Variants in CYTH1 observed in about 807,000 individuals in gnomAD.
The protein encoded by CYTH1 is cytohesin 1, also known as cytohesin-1.
A neutral mutation model predicts 61.8 loss-of-function variants in CYTH1; 18 were observed. The ratio of observed to expected loss-of-function variants is 0.29; its 90% CI spans 0.20 to 0.43. CYTH1 has a LOEUF of 0.43. Ranked by LOEUF, CYTH1 falls within the 20% of genes least tolerant of loss-of-function variation. The pLI is 1.00. For synonymous variants in CYTH1, 174 were observed against 184.3 expected, an observed-to-expected ratio of 0.94 and a Z score of 0.45; for missense variants, 336 against 510.5, an observed-to-expected ratio of 0.66 and a Z score of 3.29.
At chr17:78,678,102 G>T in intron 13 of CYTH1, 1 of 152,474 alleles carries the variant, frequency 6.6e-6, no homozygotes. Context: ...AGGCCAGCCC[G>T]CTCCGGGACA....
intron 1 of CYTH1, among the ~76,000 whole-genome samples, chr17:78,731,763 AAAAAAAAAC>A (rs1443257382): frequency 6.6e-6 from 1 of 150,922 alleles, no homozygotes; most frequent in Non-Finnish European, 1.5e-5. Context: ...CTCAAAAAAA[AAAAAAAAAC>A]AAAAAAAAAC....
intron 1 of CYTH1, chr17:78,716,877 G>A (rs935906088): frequency 7.9e-5 from 12 of 152,190 alleles, no homozygotes; most frequent in African/African-American, 2.7e-4. Flanking sequence ...AGGACACTGC[G>A]AAGGCCACAG....
intron 12 of CYTH1, 94 bp downstream of exon 12, chr17:78,680,877 G>T (rs1178651940): frequency 3.3e-6 from 4 of 1,222,184 alleles, no homozygotes; most frequent in Non-Finnish European, 4.8e-6. Context: ...GCCTGATCAC[G>T]CTTTTCAGTT....
Position 78,708,191 on chromosome 17 carries a change from A to C in CYTH1, c.170+6T>G. On this transcript the variant is annotated splice_donor_region_variant and intron_variant, in intron 3 of 13. Coordinates refer to ENST00000446868, the MANE Select transcript of CYTH1 (RefSeq NM_004762.6). The stretch of plus-strand genomic sequence containing the variant: ...CAGAAGCCACCTGGCAGCAGGGCAG[A>C]CTCACCTTTCCTCTGTGGATCCCAG... The C allele has an allele frequency of 6.2e-7, 1 of 1,613,952 alleles. No individual in the cohort carries two copies. Among genetic ancestry groups the C allele is most frequent in the South Asian group, 1.1e-5 (1 of 91,070 alleles).
intron 1 of CYTH1, among the ~76,000 whole-genome samples, chr17:78,747,092 T>A (rs868861117): frequency 3.0e-5 from 4 of 131,426 alleles, no homozygotes; most frequent in Admixed American, 2.7e-4. Context: ...AAACAAAGTA[T>A]CTCCCTCTTC....
At chr17:78,740,353 C>G (rs562234664) in intron 1 of CYTH1, among the ~76,000 whole-genome samples, 1 of 152,228 alleles carries the variant, frequency 6.6e-6, no homozygotes, top group Admixed American at 6.5e-5. Flanking sequence ...AGGTCCCCTG[C>G]TCCTCCAGAC....
intron 1 of CYTH1, among the ~76,000 whole-genome samples, chr17:78,729,229 T>C (rs914482968): frequency 6.6e-6 from 1 of 152,104 alleles, no homozygotes; most frequent in East Asian, 1.9e-4. Flanking sequence ...CACCTCAGCC[T>C]CCAGAATAGC....
At chr17:78,733,596 G>A (rs2093305959) in intron 1 of CYTH1, among the ~76,000 whole-genome samples, 1 of 152,246 alleles carries the variant, frequency 6.6e-6, no homozygotes, top group Admixed American at 6.5e-5. Context: ...AAGGCCAGTG[G>A]GGACAGGCAT....
At chr17:78,735,360 C>T (rs1018590392) in intron 1 of CYTH1, among the ~76,000 whole-genome samples, 5 of 152,194 alleles carry the variant, frequency 3.3e-5, no homozygotes, top group Non-Finnish European at 5.9e-5. Flanking sequence ...TGGCCAGGCC[C>T]GGCTCACTCC....
At chr17:78,703,385 C>T (rs995047774) in intron 3 of CYTH1, among the ~76,000 whole-genome samples, 13 of 129,542 alleles carry the variant, frequency 1.0e-4, no homozygotes, top group Admixed American at 3.7e-4. Context: ...CACTCTAGCC[C>T]GGGTGACAGA....
chr17:78,726,853 C>T (rs1361250036), intron 1 of CYTH1, among the ~76,000 whole-genome samples: 1 of 152,220 alleles, frequency 6.6e-6, no homozygotes, highest in Non-Finnish European at 1.5e-5. Flanking sequence ...GCACCGCGGT[C>T]TGCACTCCTG....
chr17:78,780,395 G>T (rs1486964659), intron 1 of CYTH1, among the ~76,000 whole-genome samples: 1 of 152,128 alleles, frequency 6.6e-6, no homozygotes, highest in Non-Finnish European at 1.5e-5. Flanking sequence ...TGTAGTCCAG[G>T]TTACAGGAGG....
intron 3 of CYTH1, among the ~76,000 whole-genome samples, chr17:78,706,076 G>A (rs1194860324): frequency 6.6e-6 from 1 of 152,110 alleles, no homozygotes; most frequent in East Asian, 1.9e-4. Context: ...CCAATTTTCT[G>A]CAGTAAAGGT....
intron 1 of CYTH1, among the ~76,000 whole-genome samples, chr17:78,732,123 C>T (rs2093298092): frequency 1.3e-5 from 2 of 152,202 alleles, no homozygotes; most frequent in Admixed American, 1.3e-4. Context: ...TGACTTTGTC[C>T]TCCCTTCGGC....
intron 1 of CYTH1, chr17:78,736,637 C>T (rs2093321325): frequency 3.6e-6 from 1 of 280,392 alleles, no homozygotes; most frequent in Non-Finnish European, 8.0e-6. Context: ...TAAAACTCCA[C>T]TCCATATACC....
intron 1 of CYTH1, among the ~76,000 whole-genome samples, chr17:78,734,432 CTTTTTTTTTTTTT>C (rs10557033): frequency 4.8e-5 from 3 of 62,720 alleles, no homozygotes; most frequent in East Asian, 5.0e-4. Flanking sequence ...TAAAAAAAAG[CTTTTTTTTTTTTT>C]TTTTTTTTTT....
chr17:78,680,651 A>C (rs2092751088), intron 12 of CYTH1, among the ~76,000 whole-genome samples: 1 of 152,202 alleles, frequency 6.6e-6, no homozygotes. Flanking sequence ...CTGACAGCCC[A>C]AAACAAAGGA....
rs1567856538 is a variant in CYTH1, at chr17:78,717,508, C to T, written c.23-7776G>A. ...CATTTATTTATTTATTTAAATGTTGCTTTGCAGATTTTAACAGTCGGCAGA... is the reference window on the plus strand; with the variant it reads ...CATTTATTTATTTATTTAAATGTTGTTTTGCAGATTTTAACAGTCGGCAGA... On this transcript the variant is annotated intron_variant, in intron 1 of 13. Transcript: ENST00000446868. The surrounding 1 kb of genome is among the most constrained non-coding windows in gnomAD (Gnocchi z 4.4). Among the ~76,000 whole-genome samples, 2 of 152,142 alleles carry T rather than the reference C, an allele frequency of 1.3e-5. No individual in the cohort carries two copies. Among genetic ancestry groups the T allele is most frequent in the Admixed American group, 6.5e-5 (1 of 15,282 alleles).
In CYTH1 at chr17:78,771,499, G is replaced by A. The variant is rs184310555; in HGVS notation, c.22+10703C>T. Among the ~76,000 whole-genome samples the A allele has an allele frequency of 2.3e-3, 348 of 152,140 alleles. 1 individual carries two copies. Among genetic ancestry groups the A allele is most frequent in the African/African-American group, 7.4e-3 (309 of 41,482 alleles). On this transcript the variant is annotated intron_variant, in intron 1 of 13. Transcript: ENST00000446868. ...TGTAATCCCAGCACTTTGGGAGGCCGAGGCAGGCAGATCACAAGGTCAGGA... is the reference window on the plus strand; with the variant it reads ...TGTAATCCCAGCACTTTGGGAGGCCAAGGCAGGCAGATCACAAGGTCAGGA...
Sources: allele counts gnomAD v4.1 joint callset (sites outside exome capture counted in the v4.1 genomes callset), GRCh38; gene constraint gnomAD v4.1.1; non-coding constraint Gnocchi (gnomAD v3.1); transcripts MANE v1.5; gene names NCBI Gene and HGNC (gene_info 2026-07-23, HGNC 2026-07-21).